ERGIC1: variants seen among roughly 807,000 people sequenced by gnomAD.
ERGIC1 encodes the protein endoplasmic reticulum-Golgi intermediate compartment protein 1.
Under a neutral mutation model 38.3 loss-of-function variants are expected in ERGIC1, and 19 were observed. The observed-to-expected ratio is 0.50, with a 90% confidence interval of 0.35 to 0.73. The LOEUF (loss-of-function observed/expected upper bound fraction) is 0.73. Among genes scored for constraint, ERGIC1 ranks in the 30% least tolerant of loss-of-function variants. The pLI is 0.01. For missense variants in ERGIC1, 294 were observed against 389.2 expected, an observed-to-expected ratio of 0.76 and a Z score of 2.06; for synonymous variants, 124 against 157.6, an observed-to-expected ratio of 0.79 and a Z score of 1.60.
chr5:172,908,056 C>T (rs1019895869), intron 3 of ERGIC1, among the ~76,000 whole-genome samples: 4 of 151,754 alleles, frequency 2.6e-5, no homozygotes, highest in Admixed American at 6.6e-5. Flanking sequence ...CCGATGCGGT[C>T]GACAGAATAA....
chr5:172,915,722 G>A (rs1402848395), intron 5 of ERGIC1: 2 of 447,256 alleles, frequency 4.5e-6, no homozygotes, highest in Non-Finnish European at 4.7e-6. Context: ...GAGGTTAAGT[G>A]TCTTGCCCGA....
chr5:172,838,210 A>G (rs781020051), intron 1 of ERGIC1, among the ~76,000 whole-genome samples: 1 of 152,222 alleles, frequency 6.6e-6, no homozygotes, highest in Non-Finnish European at 1.5e-5. Context: ...ATCAATGTGC[A>G]ATGCAACTTG....
chr5:172,912,794 A>C (rs1054297562), intron 4 of ERGIC1, among the ~76,000 whole-genome samples: 11 of 147,526 alleles, frequency 7.5e-5, no homozygotes, highest in African/African-American at 2.7e-4. Context: ...TTTGAGATAG[A>C]GTTTTTCTCT....
At chr5:172,923,974 C>G (rs748107663) in intron 5 of ERGIC1, 31 bp from the exon 6 acceptor site, 2 of 1,608,542 alleles carry the variant, frequency 1.2e-6, no homozygotes, top group Admixed American at 3.3e-5. Context: ...AGAAGTCAAC[C>G]AAACTCCTGA....
chr5:172,892,073 T>G (rs74326964), intron 2 of ERGIC1, among the ~76,000 whole-genome samples: 18,797 of 146,742 alleles, frequency 0.13, 1,397 homozygotes, highest in East Asian at 0.26. Flanking sequence ...TTTTTTTTTT[T>G]TTTTTTTTTT....
At chr5:172,931,734 TCTC>T (rs1763778853) in intron 7 of ERGIC1, among the ~76,000 whole-genome samples, 1 of 152,008 alleles carries the variant, frequency 6.6e-6, no homozygotes, top group Non-Finnish European at 1.5e-5. Context: ...TCCAGATAAT[TCTC>T]CTATATATTT....
intron 3 of ERGIC1, among the ~76,000 whole-genome samples, chr5:172,904,884 C>T (rs1319830529): frequency 6.6e-6 from 1 of 152,186 alleles, no homozygotes; most frequent in Non-Finnish European, 1.5e-5. Flanking sequence ...TGGGAGCAGC[C>T]AGTTCTGGCC....
intron 3 of ERGIC1, among the ~76,000 whole-genome samples, chr5:172,904,542 G>A (rs1057492731): frequency 6.6e-6 from 1 of 152,244 alleles, no homozygotes; most frequent in South Asian, 2.1e-4. Flanking sequence ...GCCCACACTG[G>A]TGACAGGGGA....
chr5:172,849,935 A>G (rs1761363501), intron 1 of ERGIC1, among the ~76,000 whole-genome samples: 1 of 152,148 alleles, frequency 6.6e-6, no homozygotes, highest in Non-Finnish European at 1.5e-5. Context: ...CAAACTATAA[A>G]TATCATCTTC....
chr5:172,940,892 C>G (rs116823125), intron 9 of ERGIC1, among the ~76,000 whole-genome samples: 2,184 of 152,340 alleles, frequency 0.014, 64 homozygotes, highest in African/African-American at 0.05. Flanking sequence ...ATGACCTCCG[C>G]GTCTGACTTA....
chr5:172,937,819 C>T (rs1355529965), intron 9 of ERGIC1: 1 of 151,802 alleles, frequency 6.6e-6, no homozygotes, highest in Admixed American at 6.6e-5. Flanking sequence ...GCCTAGCCAA[C>T]ATGACAAAAC....
At chr5:172,948,857 TG>T (rs1412458028) in intron 9 of ERGIC1, among the ~76,000 whole-genome samples, 1 of 152,128 alleles carries the variant, frequency 6.6e-6, no homozygotes, top group Non-Finnish European at 1.5e-5. Flanking sequence ...GAGACCAGCC[TG>T]GGCAACATAG....
At chr5:172,901,125 G>A (rs1197273943) in intron 3 of ERGIC1, among the ~76,000 whole-genome samples, 6 of 152,288 alleles carry the variant, frequency 3.9e-5, no homozygotes, top group Admixed American at 1.3e-4. Context: ...GCCCCCTCCC[G>A]CCACCATGAG....
At chr5:172,890,987 G>A (rs559126806) in intron 2 of ERGIC1, among the ~76,000 whole-genome samples, 1 of 152,350 alleles carries the variant, frequency 6.6e-6, no homozygotes, top group East Asian at 1.9e-4. Context: ...CTCTGTGTTC[G>A]GGCAGAGCAA....
chr5:172,840,981 A>C (rs1761145674), intron 1 of ERGIC1, among the ~76,000 whole-genome samples: 1 of 152,084 alleles, frequency 6.6e-6, no homozygotes, highest in Admixed American at 6.5e-5. Context: ...AGCGAACCAG[A>C]GTTATTTGGT....
intron 1 of ERGIC1, among the ~76,000 whole-genome samples, chr5:172,855,250 A>G (rs1761516611): frequency 6.6e-6 from 1 of 152,148 alleles, no homozygotes; most frequent in African/African-American, 2.4e-5. Flanking sequence ...TGGGAGAGGA[A>G]GCATGCCTAC....
intron 4 of ERGIC1, among the ~76,000 whole-genome samples, chr5:172,910,652 G>T (rs1051621060): frequency 3.3e-5 from 5 of 151,398 alleles, no homozygotes; most frequent in African/African-American, 4.9e-5. Flanking sequence ...AGCCTCCCGA[G>T]TAGCTGGGAT....
chr5:172,946,460 T>C (rs895192371), intron 9 of ERGIC1, among the ~76,000 whole-genome samples: 3 of 152,164 alleles, frequency 2.0e-5, no homozygotes, highest in Non-Finnish European at 4.4e-5. Flanking sequence ...ATCCCATTGT[T>C]CCCACATCAT....
At chr5:172,840,839 A>G (rs904778863) in intron 1 of ERGIC1, among the ~76,000 whole-genome samples, 2 of 152,226 alleles carry the variant, frequency 1.3e-5, no homozygotes, top group South Asian at 4.1e-4. Flanking sequence ...CAAGATCCCC[A>G]GGTGATTCAT....
Sources: allele counts gnomAD v4.1 joint callset (sites outside exome capture counted in the v4.1 genomes callset), GRCh38; gene constraint gnomAD v4.1.1; transcripts MANE v1.5; gene names NCBI Gene and HGNC (gene_info 2026-07-23, HGNC 2026-07-21).